TBC1D16: variants seen among roughly 807,000 people sequenced by gnomAD.
TBC1D16 encodes CTD-2529O21.1.
Under a neutral mutation model 74.7 loss-of-function variants are expected in TBC1D16, and 58 were observed. The observed-to-expected ratio is 0.78, with a 90% confidence interval of 0.63 to 0.97. TBC1D16 has a LOEUF of 0.97. Ranked by LOEUF, TBC1D16 falls within the 50% of genes least tolerant of loss-of-function variation. The probability of loss-of-function intolerance (pLI) is 0.00; values close to 1 mark genes in which losing one functional copy is unlikely to be tolerated. For missense variants in TBC1D16, 1,014 were observed against 1,079.5 expected (o/e 0.94, Z 0.85); for synonymous variants, 493 against 474.7 (o/e 1.04, Z -0.50).
chr17:79,958,886 G>T (rs570150187), intron 3 of TBC1D16, among the ~76,000 whole-genome samples: 62 of 152,306 alleles, frequency 4.1e-4, no homozygotes, highest in Admixed American at 9.8e-4. Flanking sequence ...TCTCACAGAG[G>T]CCCTGGCCTC....
chr17:79,948,636 G>A (rs2143630956), intron 8 of TBC1D16, among the ~76,000 whole-genome samples: 1 of 152,290 alleles, frequency 6.6e-6, no homozygotes, highest in African/African-American at 2.4e-5. Flanking sequence ...GTGGTGCCCA[G>A]GGGATAGAGG....
rs141471790 is a variant in TBC1D16 at position 80,000,353 on chromosome 17, G to C, written c.779+9807C>G. On this transcript the variant is annotated intron_variant, in intron 3 of 11. Coordinates refer to ENST00000310924, the MANE Select transcript of TBC1D16 (RefSeq NM_019020.4). This position sits in a 1 kb window ranked among gnomAD's most constrained non-coding sequence, Gnocchi z 4.1. The stretch of plus-strand genomic sequence containing the variant: ...CCTATCTAATGACTGGCATCCGTAT[G>C]AGAAGAAGAGAGGGCACACAAAGGG... Among the ~76,000 whole-genome samples, 1 of 152,292 alleles carries C rather than the reference G, an allele frequency of 6.6e-6. No homozygotes were observed. The highest frequency in any genetic ancestry group is 1.9e-4 in the East Asian group (1 of 5,178).
At chr17:80,018,886 C>T (rs1280684257) in intron 1 of TBC1D16, among the ~76,000 whole-genome samples, 3 of 150,232 alleles carry the variant, frequency 2.0e-5, no homozygotes, top group African/African-American at 2.5e-5. Flanking sequence ...CAGGCGGGAG[C>T]CACCGCACCT....
In TBC1D16 at chr17:80,008,350, A is replaced by T. The variant is rs2035754636; in HGVS notation, c.779+1810T>A. Among the ~76,000 whole-genome samples the T allele has an allele frequency of 6.6e-6, 1 of 151,960 alleles. No individual in the cohort carries two copies. Among genetic ancestry groups the T allele is most frequent in the Non-Finnish European group, 1.5e-5 (1 of 67,986 alleles). On this transcript the variant is annotated intron_variant, in intron 3 of 11. Transcript: ENST00000310924. This position sits in a 1 kb window ranked among gnomAD's most constrained non-coding sequence, Gnocchi z 4.5. ...GATGCCAGGACTCAACCGGCACTCA[A>T]CTCCCTAACTCCTAAACTTGAGCTC...
chr17:79,998,122 T>C (rs1398364254), intron 3 of TBC1D16, among the ~76,000 whole-genome samples: 1 of 114,742 alleles, frequency 8.7e-6, no homozygotes, highest in Non-Finnish European at 1.7e-5. Context: ...CAAAACTCTG[T>C]CTCAAAAAAA....
In TBC1D16 at chr17:80,010,071, GGCATCACAGGTGACGCAGGTGAGT is replaced by G. The variant is rs1404341044; in HGVS notation, c.779+65_779+88del. 1 of 1,124,196 alleles carries G rather than the reference GGCATCACAGGTGACGCAGGTGAGT, an allele frequency of 8.9e-7. No individual in the cohort carries two copies. Among genetic ancestry groups the G allele is most frequent in the African/African-American group, 1.6e-5 (1 of 63,552 alleles). The allele number at this position is 1,124,196 out of a possible 1,614,324, so 69.6% of individuals were successfully genotyped here. A position where few individuals can be genotyped will look rare whatever the true frequency, so the allele number is the denominator to read the frequency against. On this transcript the variant is annotated intron_variant, in intron 3 of 11. Transcript: ENST00000310924. The surrounding 1 kb of genome is among the most constrained non-coding windows in gnomAD (Gnocchi z 8.8). The stretch of plus-strand genomic sequence containing the variant: ...GGGCAGATGCCTCCAGCGCTCACCT[GGCATCACAGGTGACGCAGGTGAGT>G]GCTTCCTGCCCAGGTCAGGCCTTGG...
rs940854364 is a variant in TBC1D16, at chr17:80,007,380, G to A, written c.779+2780C>T. Among the ~76,000 whole-genome samples the A allele has an allele frequency of 6.6e-6, 1 of 152,218 alleles. No individual in the cohort carries two copies. The highest frequency in any genetic ancestry group is 1.5e-5 in the Non-Finnish European group (1 of 68,034). ...GTTCTTGGCCGCACTTCACACCCGTGAGGCATCTGCGTTTTGGATGTGGGA... is the reference window on the plus strand; with the variant it reads ...GTTCTTGGCCGCACTTCACACCCGTAAGGCATCTGCGTTTTGGATGTGGGA... On this transcript the variant is annotated intron_variant, in intron 3 of 11. Coordinates refer to ENST00000310924, the MANE Select transcript of TBC1D16 (RefSeq NM_019020.4). The surrounding 1 kb of genome is among the most constrained non-coding windows in gnomAD (Gnocchi z 4.5).
rs78921811 is a variant in TBC1D16, at chr17:79,961,549, G to A, written c.780-8731C>T. On this transcript the variant is annotated intron_variant, in intron 3 of 11. Coordinates refer to ENST00000310924, the MANE Select transcript of TBC1D16 (RefSeq NM_019020.4). This position sits in a 1 kb window ranked among gnomAD's most constrained non-coding sequence, Gnocchi z 4.8. Reference sequence around the variant, plus strand: ...TGCAAAGACTTGCACATAAATGTGTGTAACAGCTTTATCTAAAATAGCTAA... The same window carrying A: ...TGCAAAGACTTGCACATAAATGTGTATAACAGCTTTATCTAAAATAGCTAA... Among the ~76,000 whole-genome samples, 2,677 of 152,314 alleles carry A rather than the reference G, an allele frequency of 0.018. 79 individuals carry two copies. Among genetic ancestry groups the A allele is most frequent in the African/African-American group, 0.06 (2,503 of 41,572 alleles).
chr17:79,952,696 AC>A lies in TBC1D16; in HGVS notation c.901del (p.Val301TrpfsTer105), dbSNP rs1433907114. On this transcript the variant is annotated frameshift_variant, in exon 4 of 12. Transcript: ENST00000310924. LOFTEE classifies it high-confidence loss of function. ...ALEQICGVFR[V>X]DLGHMRSLRL... ...GAGGGAGCGCATGTGGCCCAGGTCC[AC>A]GCGGAACACGCCGCAAATCTGCTCC... The A allele has an allele frequency of 6.2e-7, 1 of 1,610,112 alleles. No homozygotes were observed. Among genetic ancestry groups the A allele is most frequent in the Non-Finnish European group, 8.5e-7 (1 of 1,177,538 alleles).
rs889813345 is a variant in TBC1D16 at position 79,994,142 on chromosome 17, T to G, written c.779+16018A>C. Among the ~76,000 whole-genome samples the G allele has an allele frequency of 6.6e-6, 1 of 152,014 alleles. No individual in the cohort carries two copies. Among genetic ancestry groups the G allele is most frequent in the Non-Finnish European group, 1.5e-5 (1 of 68,018 alleles). ...TAGAAAGGTCAGCTTTTTAAAGAGC[T>G]GTCAGTCCTTCGGAAGACAGTCAAT... On this transcript the variant is annotated intron_variant, in intron 3 of 11. Coordinates refer to ENST00000310924, the MANE Select transcript of TBC1D16 (RefSeq NM_019020.4). The surrounding 1 kb of genome is among the most constrained non-coding windows in gnomAD (Gnocchi z 4.6).
intron 3 of TBC1D16, among the ~76,000 whole-genome samples, chr17:80,005,742 G>A (rs539943398): frequency 6.6e-6 from 1 of 152,178 alleles, no homozygotes; most frequent in Non-Finnish European, 1.5e-5. Flanking sequence ...TCTGGGTTTA[G>A]TAGGTGGGCT....
At chr17:79,973,384 G>C (rs1248078032) in intron 3 of TBC1D16, among the ~76,000 whole-genome samples, 1 of 152,064 alleles carries the variant, frequency 6.6e-6, no homozygotes, top group Admixed American at 6.6e-5. Context: ...ACCAGCCTGG[G>C]TAACACAGTT....
intron 3 of TBC1D16, among the ~76,000 whole-genome samples, chr17:79,973,814 T>C (rs2034217783): frequency 6.6e-6 from 1 of 151,892 alleles, no homozygotes; most frequent in Non-Finnish European, 1.5e-5. Context: ...ATGATCACAC[T>C]ACTGCACTCC....
intron 3 of TBC1D16, among the ~76,000 whole-genome samples, chr17:79,969,643 T>C (rs2144064466): frequency 6.6e-6 from 1 of 152,016 alleles, no homozygotes; most frequent in Non-Finnish European, 1.5e-5. Context: ...GTAGATATCC[T>C]AGATAATAGA....
At position 80,007,608 on chromosome 17, in the gene TBC1D16, G is replaced by A. The variant is rs1201529320; in HGVS notation, c.779+2552C>T. Among the ~76,000 whole-genome samples the A allele has an allele frequency of 6.6e-6, 1 of 152,176 alleles. No homozygotes were observed. Among genetic ancestry groups the A allele is most frequent in the Non-Finnish European group, 1.5e-5 (1 of 68,036 alleles). ...AGGGCCCTCCTCAGCCCAGGGTTCG[G>A]GGGAATAGAGAAGCCTCCCCCAAAA... On this transcript the variant is annotated intron_variant, in intron 3 of 11. Transcript: ENST00000310924. This position sits in a 1 kb window ranked among gnomAD's most constrained non-coding sequence, Gnocchi z 4.5.
Position 80,007,697 on chromosome 17 carries a change from GAGAGGGGAAGGAGGAAGCCTAGGT to G in TBC1D16, c.779+2439_779+2462del, listed in dbSNP as rs2035730486. ...AAACATATAAGCTGGCCGGTTAGGA[GAGAGGGGAAGGAGGAAGCCTAGGT>G]AGAGGGGATCCCTAGCCAAAGGCAT... On this transcript the variant is annotated intron_variant, in intron 3 of 11. Transcript: ENST00000310924. This position sits in a 1 kb window ranked among gnomAD's most constrained non-coding sequence, Gnocchi z 4.5. Among the ~76,000 whole-genome samples the G allele has an allele frequency of 2.0e-5, 3 of 152,216 alleles. No individual in the cohort carries two copies. The highest frequency in any genetic ancestry group is 4.4e-5 in the Non-Finnish European group (3 of 68,044).
In TBC1D16 at chr17:79,961,935, C is replaced by T. The variant is rs1299582204; in HGVS notation, c.780-9117G>A. Among the ~76,000 whole-genome samples the T allele has an allele frequency of 6.6e-6, 1 of 151,988 alleles. No homozygotes were observed. The highest frequency in any genetic ancestry group is 1.5e-5 in the Non-Finnish European group (1 of 67,988). On this transcript the variant is annotated intron_variant, in intron 3 of 11. Transcript: ENST00000310924. This position sits in a 1 kb window ranked among gnomAD's most constrained non-coding sequence, Gnocchi z 4.8. Reference sequence around the variant, plus strand: ...AAACAACCCAGGGTTTATCAACAGCCAATGCAGTAATGAATCGTGGTCTGT... The same window carrying T: ...AAACAACCCAGGGTTTATCAACAGCTAATGCAGTAATGAATCGTGGTCTGT...
intron 10 of TBC1D16, among the ~76,000 whole-genome samples, chr17:79,943,489 A>G (rs1179131459): frequency 6.6e-6 from 1 of 152,178 alleles, no homozygotes; most frequent in Non-Finnish European, 1.5e-5. Context: ...CTCAGGGGTC[A>G]CTGAACAGTT....
chr17:79,943,844 C>A, intron 10 of TBC1D16: 1 of 1,373,980 alleles, frequency 7.3e-7, no homozygotes, highest in Non-Finnish European at 9.4e-7. Context: ...GGAATGAGGG[C>A]GGCAAATCTG....
Sources: gnomAD v4.1 joint callset for allele counts (sites outside exome capture counted in the v4.1 genomes callset) on GRCh38, gnomAD v4.1.1 for gene constraint, Gnocchi (gnomAD v3.1) non-coding constraint, MANE v1.5 for transcripts, NCBI Gene and HGNC (gene_info 2026-07-23, HGNC 2026-07-21) for gene names.